Variants in PCSK5 observed in about 807,000 individuals in gnomAD.
PCSK5 encodes the protein prohormone convertase 5.
A neutral mutation model predicts 233.2 loss-of-function variants in PCSK5; 129 were observed. That is an observed-to-expected ratio of 0.55 (90% CI 0.48 to 0.64). PCSK5 has a LOEUF of 0.64. Among genes scored for constraint, PCSK5 ranks in the 30% least tolerant of loss-of-function variants. PCSK5 has a pLI of 0.00. For synonymous variants in PCSK5, 825 were observed against 879.2 expected (o/e 0.94, Z 1.09); for missense variants, 2,076 against 2,430.1 (o/e 0.85, Z 3.06).
At chr9:76,084,794 C>A (rs567533298) in intron 7 of PCSK5, among the ~76,000 whole-genome samples, 1 of 152,224 alleles carries the variant, frequency 6.6e-6, no homozygotes, top group East Asian at 1.9e-4. Context: ...AAAAGAAAAA[C>A]CACTATGTAA....
chr9:76,191,290 GTT>G (rs1192704827), intron 20 of PCSK5, among the ~76,000 whole-genome samples: 3 of 152,136 alleles, frequency 2.0e-5, no homozygotes. Flanking sequence ...TCTTTTGAAT[GTT>G]TCCCCTTCTG....
chr9:76,194,585 G>A, intron 20 of PCSK5: 1 of 319,564 alleles, frequency 3.1e-6, no homozygotes, highest in South Asian at 2.6e-5. Flanking sequence ...TGAATGCTGA[G>A]ATGATCTGTT....
intron 5 of PCSK5, among the ~76,000 whole-genome samples, chr9:76,065,280 T>C (rs1025484492): frequency 6.6e-6 from 1 of 152,226 alleles, no homozygotes; most frequent in Non-Finnish European, 1.5e-5. Context: ...CTCTTTTCAC[T>C]GCACTCTCTG....
At chr9:76,350,582 C>T (rs1292957953) in intron 35 of PCSK5, among the ~76,000 whole-genome samples, 1 of 152,126 alleles carries the variant, frequency 6.6e-6, no homozygotes, top group Non-Finnish European at 1.5e-5. Flanking sequence ...AAACTCTTTC[C>T]TCTTGCTGTA....
chr9:76,342,577 C>T (rs1020744947), intron 35 of PCSK5, among the ~76,000 whole-genome samples: 2 of 152,182 alleles, frequency 1.3e-5, no homozygotes, highest in Non-Finnish European at 2.9e-5. Flanking sequence ...TTTAAAATAA[C>T]TTCTTCCCAA....
intron 3 of PCSK5, among the ~76,000 whole-genome samples, chr9:76,008,643 G>A (rs567867501): frequency 1.3e-5 from 2 of 152,190 alleles, no homozygotes; most frequent in Admixed American, 6.5e-5. Context: ...TGTATTTTTA[G>A]TAGAGACAGG....
At chr9:76,144,109 C>T (rs771400116) in intron 10 of PCSK5, among the ~76,000 whole-genome samples, 7 of 151,004 alleles carry the variant, frequency 4.6e-5, no homozygotes, top group Non-Finnish European at 8.8e-5. Flanking sequence ...AATGACTTTT[C>T]CTCCTTCCGA....
chr9:75,894,490 C>A (rs2131181551), intron 1 of PCSK5, among the ~76,000 whole-genome samples: 1 of 152,160 alleles, frequency 6.6e-6, no homozygotes, highest in African/African-American at 2.4e-5. Flanking sequence ...GGTTTTCTTG[C>A]CTTTGTTCAT....
intron 20 of PCSK5, among the ~76,000 whole-genome samples, chr9:76,224,313 G>A (rs1382163120): frequency 6.6e-6 from 1 of 152,160 alleles, no homozygotes; most frequent in Non-Finnish European, 1.5e-5. Context: ...GATTATAACA[G>A]TAGATGGGGA....
At chr9:75,991,118 A>G (rs972139170) in intron 3 of PCSK5, among the ~76,000 whole-genome samples, 1 of 152,170 alleles carries the variant, frequency 6.6e-6, no homozygotes, top group African/African-American at 2.4e-5. Flanking sequence ...AATGAAAGCA[A>G]AGAAAAGTTA....
chr9:76,240,714 G>C, intron 24 of PCSK5, 30 bp downstream of exon 24: 1 of 1,470,206 alleles, frequency 6.8e-7, no homozygotes, highest in Non-Finnish European at 9.4e-7. Flanking sequence ...CACCTAAAGA[G>C]TTGAAATAGC....
intron 13 of PCSK5, among the ~76,000 whole-genome samples, chr9:76,173,496 CTTTTTTTTTTTTTTTTTTTTTTTT>C (rs59248860): frequency 1.6e-5 from 1 of 60,968 alleles, no homozygotes; most frequent in African/African-American, 5.6e-5. Flanking sequence ...GGCACGTTTC[CTTTTTTTTTTTTTTTTTTTTTTTT>C]TTTTTTTTTT....
intron 7 of PCSK5, among the ~76,000 whole-genome samples, chr9:76,084,092 C>G (rs1830965739): frequency 6.6e-6 from 1 of 152,158 alleles, no homozygotes; most frequent in Non-Finnish European, 1.5e-5. Context: ...AATTCTCCCT[C>G]AAGATTTAAC....
intron 3 of PCSK5, among the ~76,000 whole-genome samples, chr9:75,996,585 G>A (rs372320366): frequency 1.3e-5 from 2 of 152,208 alleles, no homozygotes; most frequent in East Asian, 1.9e-4. Flanking sequence ...TAGTCAAAGT[G>A]CTTCCAGAAG....
intron 1 of PCSK5, among the ~76,000 whole-genome samples, chr9:75,912,949 G>T (rs900817589): frequency 6.6e-6 from 1 of 152,036 alleles, no homozygotes; most frequent in Non-Finnish European, 1.5e-5. Flanking sequence ...CCTTGCAGTC[G>T]CTCAAATCCT....
At chr9:76,255,000 G>A (rs372219357) in intron 24 of PCSK5, among the ~76,000 whole-genome samples, 8 of 152,024 alleles carry the variant, frequency 5.3e-5, no homozygotes, top group African/African-American at 7.3e-5. Context: ...TTTTTAAAAC[G>A]CCCTGGCCAG....
chr9:76,061,218 A>C (rs1357759629), intron 5 of PCSK5, among the ~76,000 whole-genome samples: 1 of 152,198 alleles, frequency 6.6e-6, no homozygotes, highest in Non-Finnish European at 1.5e-5. Flanking sequence ...GAGAATATAC[A>C]TCATTTTCAA....
chr9:76,097,044 G>T (rs1201500923), intron 8 of PCSK5, among the ~76,000 whole-genome samples: 4 of 150,482 alleles, frequency 2.7e-5, no homozygotes, highest in Admixed American at 6.6e-5. Context: ...TGATTCTCCT[G>T]CCTAAGCCTC....
At chr9:76,251,010 G>A (rs1042803621) in intron 24 of PCSK5, among the ~76,000 whole-genome samples, 2 of 152,238 alleles carry the variant, frequency 1.3e-5, no homozygotes. Flanking sequence ...GCTCAGACCT[G>A]TAATCCCAAC....
Sources: gnomAD v4.1 joint callset for allele counts (sites outside exome capture counted in the v4.1 genomes callset) on GRCh38, gnomAD v4.1.1 for gene constraint, MANE v1.5 for transcripts, NCBI Gene and HGNC (gene_info 2026-07-23, HGNC 2026-07-21) for gene names.